The following ZGRF1 variants were observed in gnomAD, a reference collection of about 807,000 sequenced individuals.
ZGRF1 encodes zinc finger GRF-type containing 1.
In ZGRF1, 196 loss-of-function variants were observed where a neutral mutation model predicts 203.5. That is an observed-to-expected ratio of 0.96 (90% CI 0.86 to 1.08). The LOEUF (loss-of-function observed/expected upper bound fraction) is 1.08, where lower values mean the gene tolerates loss of function less well. ZGRF1 is among the 50% of genes least tolerant of loss of function. The pLI is 0.00. For missense variants in ZGRF1, 2,326 were observed against 2,416.3 expected (o/e 0.96, Z 0.78); for synonymous variants, 809 against 841.3 (o/e 0.96, Z 0.66).
In ZGRF1 at chr4:112,586,500, T is replaced by C. The variant is rs772953561; in HGVS notation, c.3861A>G (p.Pro1287=). The C allele has an allele frequency of 1.2e-5, 20 of 1,613,152 alleles. No homozygotes were observed. The highest frequency in any genetic ancestry group is 1.6e-4 in the Middle Eastern group (1 of 6,082). The part of the protein sequence containing the change: ...AYLPQRQIHI[P]AVFQSPAHYK... ...AATGAGCAGGAGACTGAAAAACAGCTGGTATGTGAATTTGCCTTTGGGGAA... is the reference window on the plus strand; with the variant it reads ...AATGAGCAGGAGACTGAAAAACAGCCGGTATGTGAATTTGCCTTTGGGGAA... The change falls in exon 13 of 28, where the codon CCA becomes CCG. Residue 1287 remains proline (P), a synonymous_variant. Transcript: ENST00000505019.
rs747562792 is a variant in ZGRF1 at position 112,547,386 on chromosome 4, G to T, written c.5497C>A (p.Leu1833Ile). The change falls in exon 24 of 28, where the codon CTT becomes ATT. Residue 1833 changes from leucine (L) to isoleucine (I), a missense_variant. Coordinates refer to ENST00000505019, the MANE Select transcript of ZGRF1 (RefSeq NM_018392.5). ...GGTAGCTGTTTGGGATCCCCAACAAGAATCAGCTTTTCACACTCAAACCTA... is the reference window on the plus strand; with the variant it reads ...GGTAGCTGTTTGGGATCCCCAACAATAATCAGCTTTTCACACTCAAACCTA... ...IARFECEKLI[L>I]VGDPKQLPPT... The T allele has an allele frequency of 1.2e-6, 2 of 1,611,744 alleles. No individual in the cohort carries two copies. The highest frequency in any genetic ancestry group is 1.7e-6 in the Non-Finnish European group (2 of 1,179,078).
intron 10 of ZGRF1, among the ~76,000 whole-genome samples, chr4:112,601,379 A>G (rs1226069462): frequency 6.6e-6 from 1 of 152,050 alleles, no homozygotes; most frequent in African/African-American, 2.4e-5. Context: ...GCAAATTGTT[A>G]AGCTAGTTCT....
chr4:112,610,683 A>C lies in ZGRF1; in HGVS notation c.2668-1254T>G, dbSNP rs866067973. Reference sequence around the variant, plus strand: ...CTTCTGGAATCAAATCTAAGGAAAAAACTTAAAATGCAAACAATGATTTAT... The same window carrying C: ...CTTCTGGAATCAAATCTAAGGAAAACACTTAAAATGCAAACAATGATTTAT... On this transcript the variant is annotated intron_variant, in intron 7 of 27. Coordinates refer to ENST00000505019, the MANE Select transcript of ZGRF1 (RefSeq NM_018392.5). 1.2e-4 allele frequency: 18 copies of C among 152,954 alleles called. No individual in the cohort carries two copies. The Middle Eastern group carries it at 0.013, about 111-fold the overall frequency. The allele number at this position is 152,954 out of a possible 1,614,324, so 9.5% of individuals were successfully genotyped here. A position where few individuals can be genotyped will look rare whatever the true frequency, so the allele number is the denominator to read the frequency against.
At chr4:112,562,944 T>C (rs548574290) in intron 17 of ZGRF1, among the ~76,000 whole-genome samples, 187 bp downstream of exon 17, 4 of 152,208 alleles carry the variant, frequency 2.6e-5, no homozygotes, top group African/African-American at 9.6e-5. Flanking sequence ...AACAAAACAA[T>C]CCCCCACACA....
chr4:112,612,258 G>A (rs573393312), intron 7 of ZGRF1, among the ~76,000 whole-genome samples: 32 of 152,296 alleles, frequency 2.1e-4, no homozygotes, highest in African/African-American at 6.7e-4. Context: ...GAGCCTCCAC[G>A]TCCAGCCATG....
chr4:112,579,007 A>T lies in ZGRF1; in HGVS notation c.4438+2656T>A, dbSNP rs1745736039. Among the ~76,000 whole-genome samples the T allele has an allele frequency of 1.6e-5, 2 of 123,294 alleles. 1 individual carries two copies. The highest frequency in any genetic ancestry group is 1.8e-4 in the Admixed American group (2 of 10,836). The allele number at this position is 123,294 out of a possible 152,430, so 80.9% of individuals were successfully genotyped here. The stretch of plus-strand genomic sequence containing the variant: ...AGACCAATATCCCTGATGAACATCG[A>T]TGCAAAAATCCTCAATAAAATACTG... On this transcript the variant is annotated intron_variant, in intron 16 of 27. Transcript: ENST00000505019.
At chr4:112,566,720 C>A (rs192764681) in intron 16 of ZGRF1, among the ~76,000 whole-genome samples, 2 of 151,868 alleles carry the variant, frequency 1.3e-5, no homozygotes, top group African/African-American at 4.8e-5. Context: ...TGGAAAACCT[C>A]GAGTTGGAGG....
chr4:112,619,166 T>C lies in ZGRF1; in HGVS notation c.876A>G (p.Lys292=). The C allele has an allele frequency of 6.2e-7, 1 of 1,613,662 alleles. No homozygotes were observed. Among genetic ancestry groups the C allele is most frequent in the Non-Finnish European group, 8.5e-7 (1 of 1,179,980 alleles). The change falls in exon 6 of 28, where the codon AAA becomes AAG. Residue 292 remains lysine, a synonymous_variant. Coordinates refer to ENST00000505019, the MANE Select transcript of ZGRF1 (RefSeq NM_018392.5). ...CTTCCTGTTGAATTAGGTACTTTGGTTTAGTAGCAATTTTTAAACTTCCTT... is the reference window on the plus strand; with the variant it reads ...CTTCCTGTTGAATTAGGTACTTTGGCTTAGTAGCAATTTTTAAACTTCCTT... ...QPQGSLKIAT[K]PKYLIQQEEC...
intron 10 of ZGRF1, among the ~76,000 whole-genome samples, chr4:112,598,254 A>T (rs1578402789): frequency 6.6e-6 from 1 of 152,204 alleles, no homozygotes; most frequent in African/African-American, 2.4e-5. Flanking sequence ...GTATGTGTGA[A>T]TTCCTGTATT....
chr4:112,627,986 C>T (rs1233927566), intron 3 of ZGRF1, among the ~76,000 whole-genome samples: 2 of 152,166 alleles, frequency 1.3e-5, no homozygotes, highest in Admixed American at 1.3e-4. Flanking sequence ...CAATCTTCAG[C>T]TCCCTTCCCC....
chr4:112,565,858 AG>A (rs1742966924), intron 16 of ZGRF1, among the ~76,000 whole-genome samples: 1 of 152,192 alleles, frequency 6.6e-6, no homozygotes, highest in African/African-American at 2.4e-5. Context: ...CAGGTGCTGG[AG>A]AGGATGTGGA....
chr4:112,590,123 A>C (rs920304545), intron 10 of ZGRF1, among the ~76,000 whole-genome samples: 9 of 152,156 alleles, frequency 5.9e-5, no homozygotes. Context: ...TCAGATTTTG[A>C]TTTGGACTGG....
chr4:112,605,166 CT>C (rs1417241500), intron 9 of ZGRF1, among the ~76,000 whole-genome samples: 79 of 145,724 alleles, frequency 5.4e-4, no homozygotes, highest in Middle Eastern at 7.2e-3. Context: ...ACCTCCCCCA[CT>C]TTTTTTTTTT....
intron 16 of ZGRF1, among the ~76,000 whole-genome samples, chr4:112,569,239 G>T (rs779138288): frequency 6.6e-6 from 1 of 152,198 alleles, no homozygotes; most frequent in Non-Finnish European, 1.5e-5. Context: ...TCAAGATTTA[G>T]ACTAGAACTA....
At chr4:112,565,916 A>T (rs1231001086) in intron 16 of ZGRF1, among the ~76,000 whole-genome samples, 1 of 152,206 alleles carries the variant, frequency 6.6e-6, no homozygotes, top group Non-Finnish European at 1.5e-5. Context: ...AAACTAGTTC[A>T]ACCCTGTGGA....
At chr4:112,546,001 T>A (rs1416330418) in intron 24 of ZGRF1, among the ~76,000 whole-genome samples, 1 of 151,826 alleles carries the variant, frequency 6.6e-6, no homozygotes, top group African/African-American at 2.4e-5. Flanking sequence ...TCAAAATTTC[T>A]GTTTGGGATA....
chr4:112,540,187 T>C, intron 26 of ZGRF1, 63 bp from the exon 27 acceptor site: 1 of 1,223,198 alleles, frequency 8.2e-7, no homozygotes, highest in Non-Finnish European at 1.1e-6. Context: ...CCTCTGAACC[T>C]GCTCAAAGCA....
chr4:112,603,538 T>C lies in ZGRF1; in HGVS notation c.2962A>G (p.Ile988Val), dbSNP rs756536684. 1.2e-6 allele frequency: 2 copies of C among 1,601,338 alleles called. No homozygotes were observed. The highest frequency in any genetic ancestry group is 1.7e-6 in the Non-Finnish European group (2 of 1,173,540). The change falls in exon 10 of 28, where the codon ATT (isoleucine) becomes GTT (valine). Residue 988 changes from isoleucine to valine, a missense_variant. Transcript: ENST00000505019. ...TPELPSTCMQ[I>V]DFLQVTSPEE... ...AATATTTTTACCTGCAAGAAGTCAA[T>C]CTGCATACACGTGCTAGGTAACTCT...
Position 112,589,829 on chromosome 4 carries a change from T to C in ZGRF1, c.3022A>G (p.Thr1008Ala), listed in dbSNP as rs1483699798. The change falls in exon 11 of 28, where the codon ACC (threonine) becomes GCC (alanine). Residue 1008 changes from threonine (T) to alanine (A), a missense_variant. Physicochemically the swap from Thr to Ala is moderately conservative, Grantham distance 58 (BLOSUM62 0). Coordinates refer to ENST00000505019, the MANE Select transcript of ZGRF1 (RefSeq NM_018392.5). ...ENISTLSPVS[T>A]FSLNSRDEDF... The stretch of plus-strand genomic sequence containing the variant: ...TCATCTCTTGAGTTCAAAGAAAAGG[T>C]AGAAACAGGGCTCAATGTAGAGATG... 6.2e-7 allele frequency: 1 copy of C among 1,613,348 alleles called. No individual in the cohort carries two copies. The highest frequency in any genetic ancestry group is 8.5e-7 in the Non-Finnish European group (1 of 1,179,656).
Sources: gnomAD v4.1 joint callset for allele counts (sites outside exome capture counted in the v4.1 genomes callset) on GRCh38, gnomAD v4.1.1 for gene constraint, MANE v1.5 for transcripts, NCBI Gene and HGNC (gene_info 2026-07-23, HGNC 2026-07-21) for gene names.